Variants in IQSEC1 observed in about 807,000 individuals in gnomAD.
IQSEC1 encodes IQ motif and SEC7 domain-containing protein 1.
Under a neutral mutation model 91.0 loss-of-function variants are expected in IQSEC1, and 31 were observed. That is an observed-to-expected ratio of 0.34 (90% CI 0.26 to 0.46). The LOEUF (loss-of-function observed/expected upper bound fraction) is 0.46, where lower values mean the gene tolerates loss of function less well. Among genes scored for constraint, IQSEC1 ranks in the 20% least tolerant of loss-of-function variants. The pLI, the probability that IQSEC1 is intolerant of heterozygous loss-of-function variation, is 1.00. For synonymous variants in IQSEC1, 699 were observed against 662.6 expected, an observed-to-expected ratio of 1.05 and a Z score of -0.84; for missense variants, 1,388 against 1,575.6, an observed-to-expected ratio of 0.88 and a Z score of 2.02.
At chr3:13,199,779 T>C (rs1220842406) in intron 1 of IQSEC1, among the ~76,000 whole-genome samples, 2 of 8,758 alleles carry the variant, frequency 2.3e-4, no homozygotes, top group African/African-American at 1.1e-3. Flanking sequence ...CCCTTCCCTC[T>C]GCTCCAGGCA....
At chr3:13,189,771 C>T (rs1417473630) in intron 1 of IQSEC1, among the ~76,000 whole-genome samples, 3 of 152,208 alleles carry the variant, frequency 2.0e-5, no homozygotes, top group African/African-American at 7.2e-5. Flanking sequence ...CCCCCAGGTC[C>T]TCCTGTTCCC....
intron 2 of IQSEC1, among the ~76,000 whole-genome samples, chr3:13,147,512 G>A (rs934010593): frequency 6.6e-6 from 1 of 152,144 alleles, no homozygotes; most frequent in Admixed American, 6.5e-5. Context: ...CCTTTTTATG[G>A]CTGAGTAGTA....
chr3:13,132,987 A>G (rs907576182), intron 2 of IQSEC1, among the ~76,000 whole-genome samples: 2 of 152,210 alleles, frequency 1.3e-5, no homozygotes, highest in African/African-American at 2.4e-5. Flanking sequence ...AATGAGACAT[A>G]TTTCTCTTGT....
At chr3:13,110,358 A>C (rs1029040343) in intron 2 of IQSEC1, among the ~76,000 whole-genome samples, 11 of 151,878 alleles carry the variant, frequency 7.2e-5, no homozygotes, top group Admixed American at 3.3e-4. Context: ...TGGGAGGCCA[A>C]GGCGGGAGGA....
At chr3:13,151,377 A>G (rs1197102197) in intron 2 of IQSEC1, among the ~76,000 whole-genome samples, 1 of 152,146 alleles carries the variant, frequency 6.6e-6, no homozygotes, top group Non-Finnish European at 1.5e-5. Flanking sequence ...GTGATTCATC[A>G]TTCAGGGACC....
At chr3:12,999,042 G>A (rs567380239) in intron 1 of IQSEC1, among the ~76,000 whole-genome samples, 1 of 152,272 alleles carries the variant, frequency 6.6e-6, no homozygotes, top group African/African-American at 2.4e-5. Context: ...ATTACTACAT[G>A]CATGTATTAC....
intron 1 of IQSEC1, among the ~76,000 whole-genome samples, chr3:13,235,489 C>T (rs1694912093): frequency 6.6e-6 from 1 of 152,170 alleles, no homozygotes; most frequent in African/African-American, 2.4e-5. Context: ...AACAAAATCC[C>T]TGGTGCTGAG....
At chr3:13,273,308 C>A (rs1007106501) in intron 1 of IQSEC1, among the ~76,000 whole-genome samples, 9 of 152,172 alleles carry the variant, frequency 5.9e-5, no homozygotes, top group South Asian at 4.1e-4. Context: ...GGGAAGTGAA[C>A]ATCTCTGCTT....
Position 13,193,123 on chromosome 3 carries a change from C to A in IQSEC1, c.273-28990G>T, listed in dbSNP as rs1694064921. ...AGGGATGGGCAGTGTCTTTTCTCAG[C>A]CTTGTCCTACGAGCACAGGATGCCC... On this transcript the variant is annotated intron_variant, in intron 1 of 15. Coordinates refer to the IQSEC1 transcript ENST00000648114. The surrounding 1 kb of genome is among the most constrained non-coding windows in gnomAD (Gnocchi z 4.2). Among the ~76,000 whole-genome samples, 1 of 152,186 alleles carries A rather than the reference C, an allele frequency of 6.6e-6. No homozygotes were observed. The highest frequency in any genetic ancestry group is 2.4e-5 in the African/African-American group (1 of 41,450).
At chr3:13,033,519 A>T (rs1703924980) in intron 1 of IQSEC1, among the ~76,000 whole-genome samples, 1 of 152,044 alleles carries the variant, frequency 6.6e-6, no homozygotes, top group South Asian at 2.1e-4. Context: ...ATATATATGT[A>T]TATGTATATA....
At chr3:12,991,366 C>T (rs914609465) in intron 1 of IQSEC1, among the ~76,000 whole-genome samples, 2 of 152,192 alleles carry the variant, frequency 1.3e-5, no homozygotes, top group African/African-American at 4.8e-5. Flanking sequence ...AATGCTGCTC[C>T]CACAAGCAGG....
At chr3:13,050,155 G>A (rs1482063875) in intron 1 of IQSEC1, among the ~76,000 whole-genome samples, 1 of 150,010 alleles carries the variant, frequency 6.7e-6, no homozygotes, top group East Asian at 2.0e-4. Flanking sequence ...AGTATAGCTA[G>A]GACTGGCTCT....
chr3:12,984,944 C>T (rs1292912743), intron 1 of IQSEC1, among the ~76,000 whole-genome samples: 1 of 150,654 alleles, frequency 6.6e-6, no homozygotes, highest in Non-Finnish European at 1.5e-5. Context: ...CCTGCCTCAG[C>T]CTCCCGAGTA....
At chr3:13,196,334 G>A (rs536403162) in intron 1 of IQSEC1, among the ~76,000 whole-genome samples, 3 of 152,334 alleles carry the variant, frequency 2.0e-5, no homozygotes, top group South Asian at 4.1e-4. Flanking sequence ...TGCCGCAGAC[G>A]TTGTGGAGCA....
At chr3:13,098,375 C>T (rs963731244) in intron 2 of IQSEC1, among the ~76,000 whole-genome samples, 1 of 152,100 alleles carries the variant, frequency 6.6e-6, no homozygotes, top group African/African-American at 2.4e-5. Flanking sequence ...AGAGGAGGCG[C>T]CATCTTAAGT....
At chr3:13,137,653 T>A (rs1437517446) in intron 2 of IQSEC1, among the ~76,000 whole-genome samples, 1 of 152,186 alleles carries the variant, frequency 6.6e-6, no homozygotes, top group Non-Finnish European at 1.5e-5. Context: ...ATCATTATTT[T>A]ATTATCCTTT....
intron 1 of IQSEC1, among the ~76,000 whole-genome samples, chr3:13,202,328 G>C (rs1694259357): frequency 2.0e-5 from 3 of 152,186 alleles, no homozygotes; most frequent in African/African-American, 7.2e-5. Context: ...AACGAAAGTT[G>C]GGTCTCAAAA....
intron 2 of IQSEC1, among the ~76,000 whole-genome samples, chr3:13,151,539 G>A (rs903960218): frequency 2.6e-5 from 4 of 152,208 alleles, no homozygotes; most frequent in African/African-American, 7.2e-5. Context: ...ATGGGAGCAC[G>A]ATGGGGTCGG....
chr3:13,160,429 G>A (rs912905497), intron 2 of IQSEC1, among the ~76,000 whole-genome samples: 3 of 152,156 alleles, frequency 2.0e-5, no homozygotes, highest in Non-Finnish European at 4.4e-5. Context: ...CCAAAGTGCT[G>A]GGATTACAAG....
Sources: allele counts gnomAD v4.1 joint callset (sites outside exome capture counted in the v4.1 genomes callset), GRCh38; gene constraint gnomAD v4.1.1; non-coding constraint Gnocchi (gnomAD v3.1); transcripts MANE v1.5; gene names NCBI Gene and HGNC (gene_info 2026-07-23, HGNC 2026-07-21).